The following SMIM10L1 variants were observed in gnomAD, a reference collection of about 807,000 sequenced individuals.
The protein encoded by SMIM10L1 is small integral membrane protein 10 like 1, also known as small integral membrane protein 10-like protein 1.
SMIM10L1 carries 6 observed loss-of-function variants against 4.5 expected under a neutral mutation model. The ratio of observed to expected loss-of-function variants is 1.33; its 90% CI spans 0.73 to 2.62. SMIM10L1 has a LOEUF of 2.62. SMIM10L1 is among the 30% of genes most tolerant of loss of function. SMIM10L1 has a pLI of 0.00. For missense variants in SMIM10L1, 66 were observed against 86.2 expected (o/e 0.77, Z 0.93); for synonymous variants, 49 against 42.2 (o/e 1.16, Z -0.63).
rs534627309 is a variant in SMIM10L1 at position 11,171,424 on chromosome 12, C to T, written c.68C>T (p.Ser23Leu). Residue 23 changes from serine (S) to leucine (L), a missense_variant, in exon 1 of 1, where the codon TCG (serine) becomes TTG (leucine). By Grantham distance (145) the Ser-to-Leu change is moderately radical. Coordinates refer to ENST00000622602, the MANE Select transcript of SMIM10L1 (RefSeq NM_001271592.2). ...TCAAGCCCCGCCGCGACACCCACCTCGTACGGCGTCTTCTGCAAGGGGCTC... is the reference window on the plus strand; with the variant it reads ...TCAAGCCCCGCCGCGACACCCACCTTGTACGGCGTCTTCTGCAAGGGGCTC... ...RASSPAATPTSYGVFCKGLSR... is the reference protein window; with the variant it reads ...RASSPAATPTLYGVFCKGLSR... 1 of 1,231,928 alleles carries T rather than the reference C, an allele frequency of 8.1e-7. No homozygotes were observed. The highest frequency in any genetic ancestry group is 3.2e-5 in the East Asian group (1 of 31,678). 76.3% of individuals were successfully genotyped at this position (1,231,928 alleles called of 1,614,324 possible).
rs1239123214 is a variant in SMIM10L1 at position 11,171,701 on chromosome 12, A to G, written c.*138A>G. 1 of 565,896 alleles carries G rather than the reference A, an allele frequency of 1.8e-6. No individual in the cohort carries two copies. Among genetic ancestry groups the G allele is most frequent in the Non-Finnish European group, 2.6e-6 (1 of 380,300 alleles). The allele number at this position is 565,896 out of a possible 1,614,324, so 35.1% of individuals were successfully genotyped here. ...AGGCGCTCTTCGTGGCTGCCCTCTT[A>G]GCTGCTAGCGGAGCTCCTCAGGGGG... On this transcript the variant is annotated 3_prime_UTR_variant, in exon 1 of 1. Coordinates refer to ENST00000622602, the MANE Select transcript of SMIM10L1 (RefSeq NM_001271592.2).
In SMIM10L1 at chr12:11,171,289, G is replaced by C. The variant is rs1004617297; in HGVS notation, c.-68G>C. The C allele has an allele frequency of 4.7e-5, 50 of 1,060,426 alleles. No individual in the cohort carries two copies. In the African/African-American group the frequency reaches 6.2e-4, roughly 13 times the overall value. 65.7% of individuals were successfully genotyped at this position (1,060,426 alleles called of 1,614,324 possible). A position where few individuals can be genotyped will look rare whatever the true frequency, so the allele number is the denominator to read the frequency against. On this transcript the variant is annotated 5_prime_UTR_variant, in exon 1 of 1. Transcript: ENST00000622602. ...TACCGTCCTGCCGGTCCCAGCCGTC[G>C]CTAGGAGGTCCGCGGGCCCTGCGGC...
rs1436547470 is a variant in SMIM10L1, at chr12:11,174,941, G to C, written c.*3378G>C. The C allele has an allele frequency of 6.6e-6, 1 of 152,414 alleles. No homozygotes were observed. Among genetic ancestry groups the C allele is most frequent in the African/African-American group, 2.4e-5 (1 of 41,392 alleles). The allele number at this position is 152,414 out of a possible 1,614,324, so 9.4% of individuals were successfully genotyped here. The stretch of plus-strand genomic sequence containing the variant: ...CATGATAACCAACCAGACCTCAAAT[G>C]AATCTCCAGTAATTCCTAAAGTTAT... On this transcript the variant is annotated 3_prime_UTR_variant, in exon 1 of 1. Coordinates refer to ENST00000622602, the MANE Select transcript of SMIM10L1 (RefSeq NM_001271592.2).
In SMIM10L1 at chr12:11,173,839, T is replaced by C. The variant is rs1947907801; in HGVS notation, c.*2276T>C. 2 of 152,088 alleles carry C rather than the reference T, an allele frequency of 1.3e-5. No homozygotes were observed. Among genetic ancestry groups the C allele is most frequent in the Middle Eastern group, 3.4e-3 (1 of 292 alleles). 9.4% of individuals were successfully genotyped at this position (152,088 alleles called of 1,614,324 possible). ...GAAGACACTATATCCTATTCAATTT[T>C]ACACCCGGTAGTAACAGTATGTGTG... On this transcript the variant is annotated 3_prime_UTR_variant, in exon 1 of 1. Coordinates refer to ENST00000622602, the MANE Select transcript of SMIM10L1 (RefSeq NM_001271592.2).
In SMIM10L1 at chr12:11,171,307, C is replaced by T. The variant is rs1338453091; in HGVS notation, c.-50C>T. ...AGCCGTCGCTAGGAGGTCCGCGGGC[C>T]CTGCGGCAACCCTCGCTACAGACGC... On this transcript the variant is annotated 5_prime_UTR_variant, in exon 1 of 1. Coordinates refer to ENST00000622602, the MANE Select transcript of SMIM10L1 (RefSeq NM_001271592.2). 1.0e-5 allele frequency: 12 copies of T among 1,175,726 alleles called. No homozygotes were observed. In the East Asian group the frequency reaches 2.5e-4, roughly 25 times the overall value. 72.8% of individuals were successfully genotyped at this position (1,175,726 alleles called of 1,614,324 possible). A position where few individuals can be genotyped will look rare whatever the true frequency, so the allele number is the denominator to read the frequency against.
At position 11,172,368 on chromosome 12, in the gene SMIM10L1, C is replaced by A. The variant is rs1330208081; in HGVS notation, c.*805C>A. ...ATTTACCATGTTTTAAAAATACAGC[C>A]GGAAAATACAAGTGGGAATGTTGAA... is the stretch of plus-strand genomic sequence containing the variant. On this transcript the variant is annotated 3_prime_UTR_variant, in exon 1 of 1. Transcript: ENST00000622602. The A allele has an allele frequency of 1.3e-5, 2 of 150,128 alleles. No homozygotes were observed. Among genetic ancestry groups the A allele is most frequent in the East Asian group, 2.0e-4 (1 of 5,122 alleles). The allele number at this position is 150,128 out of a possible 1,614,324, so 9.3% of individuals were successfully genotyped here.
In SMIM10L1 at chr12:11,174,887, T is replaced by C. The variant is rs1357440884; in HGVS notation, c.*3324T>C. 6.6e-6 allele frequency: 1 copy of C among 152,492 alleles called. No individual in the cohort carries two copies. The highest frequency in any genetic ancestry group is 1.5e-5 in the Non-Finnish European group (1 of 67,990). 9.4% of individuals were successfully genotyped at this position (152,492 alleles called of 1,614,324 possible). On this transcript the variant is annotated 3_prime_UTR_variant, in exon 1 of 1. Transcript: ENST00000622602. ...CATTTTTCAGAGAAGCAAACCGGGA[T>C]TTAGAGAGGTTAAGTAAATTCCTAA... is the stretch of plus-strand genomic sequence containing the variant.
rs1947937958 is a variant in SMIM10L1 at position 11,175,781 on chromosome 12, G to A, written c.*4218G>A. ...CCAAAGTGATGATCTCAGGAGATGG[G>A]ACCTTTGGGAGGTGATCAGGTCATA... On this transcript the variant is annotated 3_prime_UTR_variant, in exon 1 of 1. Transcript: ENST00000622602. 6.6e-6 allele frequency: 1 copy of A among 152,188 alleles called. No homozygotes were observed. The highest frequency in any genetic ancestry group is 1.5e-5 in the Non-Finnish European group (1 of 68,046). The allele number at this position is 152,188 out of a possible 1,614,324, so 9.4% of individuals were successfully genotyped here.
rs923934741 is a variant in SMIM10L1, at chr12:11,172,937, C to T, written c.*1374C>T. 4.0e-4 allele frequency: 60 copies of T among 151,784 alleles called. No individual in the cohort carries two copies. The highest frequency in any genetic ancestry group is 1.4e-3 in the African/African-American group (59 of 41,312). 9.4% of individuals were successfully genotyped at this position (151,784 alleles called of 1,614,324 possible). A position where few individuals can be genotyped will look rare whatever the true frequency, so the allele number is the denominator to read the frequency against. On this transcript the variant is annotated 3_prime_UTR_variant, in exon 1 of 1. Coordinates refer to ENST00000622602, the MANE Select transcript of SMIM10L1 (RefSeq NM_001271592.2). ...GTGTGTGTAATGGTGGTGAGCCAAT[C>T]AAGATCTGATATAGAAAAATGCAGA...
Position 11,172,957 on chromosome 12 carries a change from T to A in SMIM10L1, c.*1394T>A, listed in dbSNP as rs916659974. 1 of 151,926 alleles carries A rather than the reference T, an allele frequency of 6.6e-6. No homozygotes were observed. 9.4% of individuals were successfully genotyped at this position (151,926 alleles called of 1,614,324 possible). ...CCAATCAAGATCTGATATAGAAAAA[T>A]GCAGAAAAAGGAGTATACACATGTT... On this transcript the variant is annotated 3_prime_UTR_variant, in exon 1 of 1. Transcript: ENST00000622602.
rs1478966586 is a variant in SMIM10L1, at chr12:11,171,588, C to A, written c.*25C>A. ...GAGCCATGACTAAGCTAACGGCCTC[C>A]GGGGCCAGCATGATGGCCGACTCCC... On this transcript the variant is annotated 3_prime_UTR_variant, in exon 1 of 1. Coordinates refer to ENST00000622602, the MANE Select transcript of SMIM10L1 (RefSeq NM_001271592.2). 2.4e-6 allele frequency: 3 copies of A among 1,228,246 alleles called. No individual in the cohort carries two copies. The highest frequency in any genetic ancestry group is 8.4e-5 in the Admixed American group (2 of 23,688). The allele number at this position is 1,228,246 out of a possible 1,614,324, so 76.1% of individuals were successfully genotyped here.
rs1465223834 is a variant in SMIM10L1, at chr12:11,174,434, GATA to G, written c.*2876_*2878del. 6.6e-6 allele frequency: 1 copy of G among 152,110 alleles called. No homozygotes were observed. The highest frequency in any genetic ancestry group is 1.5e-5 in the Non-Finnish European group (1 of 68,002). The allele number at this position is 152,110 out of a possible 1,614,324, so 9.4% of individuals were successfully genotyped here. On this transcript the variant is annotated 3_prime_UTR_variant, in exon 1 of 1. Coordinates refer to ENST00000622602, the MANE Select transcript of SMIM10L1 (RefSeq NM_001271592.2). Reference sequence around the variant, plus strand: ...ATAAAGGAAACATATATTCGTTCCTGATAATAAGATGATTCACTTTATTGCCCA... The same window carrying G: ...ATAAAGGAAACATATATTCGTTCCTGATAAGATGATTCACTTTATTGCCCA...
In SMIM10L1 at chr12:11,172,293, A is replaced by G. The variant is rs1405731667; in HGVS notation, c.*730A>G. ...AATACAAATGTTGTTTATGGTTTTT[A>G]TTGTTTAAGGGCATACTTAATTATG... On this transcript the variant is annotated 3_prime_UTR_variant, in exon 1 of 1. Coordinates refer to ENST00000622602, the MANE Select transcript of SMIM10L1 (RefSeq NM_001271592.2). 6.6e-6 allele frequency: 1 copy of G among 152,194 alleles called. No individual in the cohort carries two copies. The highest frequency in any genetic ancestry group is 6.5e-5 in the Admixed American group (1 of 15,280). The allele number at this position is 152,194 out of a possible 1,614,324, so 9.4% of individuals were successfully genotyped here. A position where few individuals can be genotyped will look rare whatever the true frequency, so the allele number is the denominator to read the frequency against.
Position 11,171,604 on chromosome 12 carries a change from G to C in SMIM10L1, c.*41G>C. On this transcript the variant is annotated 3_prime_UTR_variant, in exon 1 of 1. Transcript: ENST00000622602. ...AACGGCCTCCGGGGCCAGCATGATG[G>C]CCGACTCCCAGGGTCCGTTGCGGCG... 1 of 1,213,560 alleles carries C rather than the reference G, an allele frequency of 8.2e-7. No individual in the cohort carries two copies. The highest frequency in any genetic ancestry group is 3.2e-5 in the East Asian group (1 of 31,588). The allele number at this position is 1,213,560 out of a possible 1,614,324, so 75.2% of individuals were successfully genotyped here.
In SMIM10L1 at chr12:11,171,672, G is replaced by GAGCACT; in HGVS notation, c.*109_*110insAGCACT. The GAGCACT allele has an allele frequency of 2.5e-6, 2 of 786,280 alleles. No homozygotes were observed. Among genetic ancestry groups the GAGCACT allele is most frequent in the Non-Finnish European group, 3.4e-6 (2 of 581,288 alleles). 48.7% of individuals were successfully genotyped at this position (786,280 alleles called of 1,614,324 possible). On this transcript the variant is annotated 3_prime_UTR_variant, in exon 1 of 1. Coordinates refer to ENST00000622602, the MANE Select transcript of SMIM10L1 (RefSeq NM_001271592.2). ...GCGAGCCCCACAGTCTCGCGAGAGT[G>GAGCACT]CTCAGGCGCTCTTCGTGGCTGCCCT...
At position 11,171,536 on chromosome 12, in the gene SMIM10L1, C is replaced by T; in HGVS notation, c.180C>T (p.Leu60=). 1 of 1,232,288 alleles carries T rather than the reference C, an allele frequency of 8.1e-7. No homozygotes were observed. The highest frequency in any genetic ancestry group is 3.2e-5 in the East Asian group (1 of 31,688). The allele number at this position is 1,232,288 out of a possible 1,614,324, so 76.3% of individuals were successfully genotyped here. Reference sequence around the variant, plus strand: ...TCTACGTCGCGGGCTCGGTGATCCTCAACATCCGATTGCAGGTACATATTT... The same window carrying T: ...TCTACGTCGCGGGCTCGGTGATCCTTAACATCCGATTGCAGGTACATATTT... The part of the protein sequence containing the change: ...PYFYVAGSVI[L]NIRLQVHI The change falls in exon 1 of 1, where the codon CTC becomes CTT. Residue 60 remains leucine, a synonymous_variant. Coordinates refer to ENST00000622602, the MANE Select transcript of SMIM10L1 (RefSeq NM_001271592.2).
rs1370770523 is a variant in SMIM10L1 at position 11,175,103 on chromosome 12, A to C, written c.*3540A>C. Reference sequence around the variant, plus strand: ...ACTATTGAGGGTCTTTCATACTAAAATATAAATATTTAACATGATTTGATA... The same window carrying C: ...ACTATTGAGGGTCTTTCATACTAAACTATAAATATTTAACATGATTTGATA... On this transcript the variant is annotated 3_prime_UTR_variant, in exon 1 of 1. Transcript: ENST00000622602. 2 of 152,104 alleles carry C rather than the reference A, an allele frequency of 1.3e-5. No individual in the cohort carries two copies. The highest frequency in any genetic ancestry group is 2.9e-5 in the Non-Finnish European group (2 of 68,012). The allele number at this position is 152,104 out of a possible 1,614,324, so 9.4% of individuals were successfully genotyped here.
rs2900127 is a variant in SMIM10L1, at chr12:11,173,472, G to C, written c.*1909G>C. ...ATTTTTCCCTAATCGTGCATCAACT[G>C]TCTGTTTTATATACCCAAGACAGGT... On this transcript the variant is annotated 3_prime_UTR_variant, in exon 1 of 1. Transcript: ENST00000622602. 6.6e-6 allele frequency: 1 copy of C among 152,020 alleles called. No individual in the cohort carries two copies. The highest frequency in any genetic ancestry group is 1.5e-5 in the Non-Finnish European group (1 of 67,992). The allele number at this position is 152,020 out of a possible 1,614,324, so 9.4% of individuals were successfully genotyped here. A position where few individuals can be genotyped will look rare whatever the true frequency, so the allele number is the denominator to read the frequency against.
rs182144913 is a variant in SMIM10L1 at position 11,173,820 on chromosome 12, A to C, written c.*2257A>C. ...AATTGGCAGCTCTGTGAGGGAAGAC[A>C]CTATATCCTATTCAATTTTACACCC... On this transcript the variant is annotated 3_prime_UTR_variant, in exon 1 of 1. Transcript: ENST00000622602. 1 of 152,010 alleles carries C rather than the reference A, an allele frequency of 6.6e-6. No homozygotes were observed. Among genetic ancestry groups the C allele is most frequent in the African/African-American group, 2.4e-5 (1 of 41,388 alleles). The allele number at this position is 152,010 out of a possible 1,614,324, so 9.4% of individuals were successfully genotyped here. A position where few individuals can be genotyped will look rare whatever the true frequency, so the allele number is the denominator to read the frequency against.
Sources: allele counts gnomAD v4.1 joint callset, GRCh38; gene constraint gnomAD v4.1.1; transcripts MANE v1.5; gene names NCBI Gene and HGNC (gene_info 2026-07-23, HGNC 2026-07-21).